Variants in SIL1 observed in about 807,000 individuals in gnomAD.
SIL1 encodes nucleotide exchange factor SIL1.
A neutral mutation model predicts 49.1 loss-of-function variants in SIL1; 40 were observed. The ratio of observed to expected loss-of-function variants is 0.81; its 90% CI spans 0.63 to 1.06. SIL1 has a LOEUF of 1.06. SIL1 is among the 50% of genes least tolerant of loss of function. The pLI, the probability that SIL1 is intolerant of heterozygous loss-of-function variation, is 0.00. For synonymous variants in SIL1, 253 were observed against 250.8 expected (o/e 1.01, Z -0.08); for missense variants, 500 against 572.6 (o/e 0.87, Z 1.29).
intron 7 of SIL1, among the ~76,000 whole-genome samples, chr5:139,002,819 G>A (rs911610142): frequency 1.6e-4 from 24 of 152,116 alleles, no homozygotes; most frequent in African/African-American, 5.1e-4. Context: ...ACTAGCCCAC[G>A]TATAGTTTGA....
chr5:139,122,496 G>A (rs1423549680), intron 2 of SIL1, among the ~76,000 whole-genome samples: 1 of 151,986 alleles, frequency 6.6e-6, no homozygotes, highest in Non-Finnish European at 1.5e-5. Flanking sequence ...TTGGGCGGCT[G>A]AGGCAACAGG....
intron 1 of SIL1, among the ~76,000 whole-genome samples, chr5:139,189,890 C>T (rs1434350745): frequency 6.6e-6 from 1 of 152,122 alleles, no homozygotes; most frequent in Non-Finnish European, 1.5e-5. Context: ...AAACCATCCC[C>T]CACATCCCCC....
chr5:139,016,449 A>C (rs781472528), intron 7 of SIL1, among the ~76,000 whole-genome samples: 25 of 152,226 alleles, frequency 1.6e-4, no homozygotes, highest in Non-Finnish European at 2.8e-4. Context: ...GTTGGATTCG[A>C]AACCACAGGA....
At chr5:138,982,412 A>C (rs1767547293) in intron 7 of SIL1, among the ~76,000 whole-genome samples, 1 of 152,252 alleles carries the variant, frequency 6.6e-6, no homozygotes, top group East Asian at 1.9e-4. Context: ...GTGAGAATAA[A>C]TTGGAAAACA....
chr5:138,979,063 A>AATTTT (rs1767454791), intron 7 of SIL1, among the ~76,000 whole-genome samples: 3 of 149,840 alleles, frequency 2.0e-5, no homozygotes, highest in Non-Finnish European at 4.4e-5. Context: ...AATTTAATTT[A>AATTTT]ATTTTATTTT....
At chr5:138,986,622 A>C (rs1184421858) in intron 7 of SIL1, among the ~76,000 whole-genome samples, 1 of 152,174 alleles carries the variant, frequency 6.6e-6, no homozygotes, top group Non-Finnish European at 1.5e-5. Context: ...CTCTAACTCT[A>C]TTCAACTCTT....
chr5:139,168,957 CAAA>C (rs1241500802), intron 1 of SIL1, among the ~76,000 whole-genome samples: 3 of 98,978 alleles, frequency 3.0e-5, no homozygotes, highest in Admixed American at 1.1e-4. Flanking sequence ...GACCCTGTCT[CAAA>C]AAAAAAAAAA....
At chr5:139,154,852 A>G (rs1751377525) in intron 1 of SIL1, among the ~76,000 whole-genome samples, 1 of 152,162 alleles carries the variant, frequency 6.6e-6, no homozygotes, top group East Asian at 1.9e-4. Flanking sequence ...TTCTCAAGGA[A>G]CCAGAAATAA....
In SIL1 at chr5:139,153,711, AC is replaced by A. The variant is rs558931757; in HGVS notation, c.-10-25859del. Among the ~76,000 whole-genome samples, 1,012 of 152,362 alleles carry A rather than the reference AC, an allele frequency of 6.6e-3. 7 individuals carry two copies. The highest frequency in any genetic ancestry group is 0.011 in the Non-Finnish European group (745 of 68,032). ...GGACACAGTGTTAAGTAACTGAGAT[AC>A]AAAGGTGACTATGCTCCCCCTCCTG... On this transcript the variant is annotated intron_variant, in intron 1 of 9. Transcript: ENST00000394817.
chr5:138,950,182 C>G (rs958540132), intron 9 of SIL1, among the ~76,000 whole-genome samples: 3 of 152,240 alleles, frequency 2.0e-5, no homozygotes, highest in African/African-American at 7.2e-5. Context: ...CCCAGTTTCC[C>G]TGGGAAATGC....
intron 7 of SIL1, among the ~76,000 whole-genome samples, chr5:139,010,952 AG>A (rs1768247338): frequency 6.7e-6 from 1 of 148,556 alleles, no homozygotes; most frequent in African/African-American, 2.4e-5. Flanking sequence ...TGGAGCCTAC[AG>A]AGGCAGGCAG....
chr5:138,954,874 C>T (rs1766868849), intron 7 of SIL1, among the ~76,000 whole-genome samples: 1 of 152,220 alleles, frequency 6.6e-6, no homozygotes, highest in Non-Finnish European at 1.5e-5. Flanking sequence ...GCTAGGACTA[C>T]CCATGTAAAA....
Position 138,951,930 on chromosome 5 carries a change from G to A in SIL1, c.768-46C>T, listed in dbSNP as rs373574853. On this transcript the variant is annotated intron_variant, in intron 7 of 9. Coordinates refer to ENST00000394817, the MANE Select transcript of SIL1 (RefSeq NM_022464.5). ...AGCATGACTACCCTGCCCAGCCCAG[G>A]GATCGGATGGTCAGGGAACTGAGCC... 11 of 1,532,542 alleles carry A rather than the reference G, an allele frequency of 7.2e-6. No homozygotes were observed. In the African/African-American group the frequency reaches 1.4e-4, roughly 19 times the overall value. The allele number at this position is 1,532,542 out of a possible 1,614,324, so 94.9% of individuals were successfully genotyped here. A position where few individuals can be genotyped will look rare whatever the true frequency, so the allele number is the denominator to read the frequency against.
intron 7 of SIL1, among the ~76,000 whole-genome samples, chr5:138,997,242 T>A (rs142990951): frequency 6.6e-6 from 1 of 152,334 alleles, no homozygotes; most frequent in Non-Finnish European, 1.5e-5. Flanking sequence ...CAATGTTTAT[T>A]CTAGTAGTTT....
At chr5:138,969,514 TAA>T in intron 7 of SIL1, among the ~76,000 whole-genome samples, 1 of 152,166 alleles carries the variant, frequency 6.6e-6, no homozygotes, top group South Asian at 2.1e-4. Flanking sequence ...CCTCCTGCAA[TAA>T]TACTCCACGC....
At chr5:139,093,929 G>A (rs1376353049) in intron 3 of SIL1, 1 of 152,216 alleles carries the variant, frequency 6.6e-6, no homozygotes, top group African/African-American at 2.4e-5. Flanking sequence ...ACTAGAATCA[G>A]AAATAAGTGT....
chr5:138,962,232 GACAATT>G (rs773183619), intron 7 of SIL1, among the ~76,000 whole-genome samples: 51 of 151,768 alleles, frequency 3.4e-4, no homozygotes, highest in Middle Eastern at 3.4e-3. Flanking sequence ...GTAAAGAGTT[GACAATT>G]ACCTCAGAGT....
intron 3 of SIL1, among the ~76,000 whole-genome samples, chr5:139,086,379 T>G (rs1770221575): frequency 6.6e-6 from 1 of 151,936 alleles, no homozygotes; most frequent in Non-Finnish European, 1.5e-5. Context: ...ATTATTAGTT[T>G]TTGAGACGGA....
At chr5:138,999,859 C>T (rs1244074686) in intron 7 of SIL1, among the ~76,000 whole-genome samples, 2 of 152,166 alleles carry the variant, frequency 1.3e-5, no homozygotes, top group Admixed American at 1.3e-4. Flanking sequence ...GATTGCACCA[C>T]AGCACTCCAG....
Sources: gnomAD v4.1 joint callset for allele counts (sites outside exome capture counted in the v4.1 genomes callset) on GRCh38, gnomAD v4.1.1 for gene constraint, MANE v1.5 for transcripts, NCBI Gene and HGNC (gene_info 2026-07-23, HGNC 2026-07-21) for gene names.